CAMK1D: variants seen among roughly 807,000 people sequenced by gnomAD.
CAMK1D encodes the protein calcium/calmodulin dependent protein kinase ID.
In CAMK1D, 9 loss-of-function variants were observed where a neutral mutation model predicts 47.7. The ratio of observed to expected loss-of-function variants is 0.19; its 90% CI spans 0.11 to 0.33. The LOEUF is 0.33. Ranked by LOEUF, CAMK1D falls within the 10% of genes least tolerant of loss-of-function variation. The pLI, the probability that CAMK1D is intolerant of heterozygous loss-of-function variation, is 1.00. For missense variants in CAMK1D, 291 were observed against 488.7 expected, an observed-to-expected ratio of 0.60 and a Z score of 3.81; for synonymous variants, 184 against 184.9, an observed-to-expected ratio of 0.99 and a Z score of 0.04.
intron 5 of CAMK1D, 135 bp from the exon 6 acceptor site, chr10:12,791,023 C>A: frequency 1.4e-6 from 1 of 694,802 alleles, no homozygotes; most frequent in Non-Finnish European, 2.5e-6. Context: ...AAAGCCAACA[C>A]ATAAAATGGG....
chr10:12,737,334 A>G (rs1359996307), intron 3 of CAMK1D, among the ~76,000 whole-genome samples: 1 of 152,126 alleles, frequency 6.6e-6, no homozygotes, highest in African/African-American at 2.4e-5. Flanking sequence ...TCATACCAGA[A>G]GGATCATCCT....
chr10:12,708,960 G>C (rs781494167), intron 3 of CAMK1D, among the ~76,000 whole-genome samples: 1 of 152,224 alleles, frequency 6.6e-6, no homozygotes, highest in Non-Finnish European at 1.5e-5. Context: ...ATCTCTTAAC[G>C]GCATCCCAGT....
At chr10:12,541,613 C>T (rs1244520075) in intron 1 of CAMK1D, among the ~76,000 whole-genome samples, 1 of 152,046 alleles carries the variant, frequency 6.6e-6, no homozygotes, top group African/African-American at 2.4e-5. Flanking sequence ...CCCGCCTTGG[C>T]CCCCCAAAAG....
At chr10:12,367,124 G>A (rs939714384) in intron 1 of CAMK1D, among the ~76,000 whole-genome samples, 1 of 151,974 alleles carries the variant, frequency 6.6e-6, no homozygotes, top group African/African-American at 2.4e-5. Flanking sequence ...GTGAGAAAAA[G>A]GGGATAAAAA....
At chr10:12,365,312 A>G (rs1025699052) in intron 1 of CAMK1D, among the ~76,000 whole-genome samples, 23 of 152,284 alleles carry the variant, frequency 1.5e-4, no homozygotes, top group African/African-American at 4.8e-4. Flanking sequence ...ACACCTGCTT[A>G]CGTTATGGAC....
intron 1 of CAMK1D, among the ~76,000 whole-genome samples, chr10:12,430,735 GTGATGA>G (rs757039237): frequency 2.6e-5 from 4 of 151,560 alleles, no homozygotes; most frequent in African/African-American, 4.9e-5. Flanking sequence ...GTGCATACAT[GTGATGA>G]TGATGATGAT....
chr10:12,631,390 T>G (rs909113145), intron 2 of CAMK1D, among the ~76,000 whole-genome samples: 4 of 152,222 alleles, frequency 2.6e-5, no homozygotes, highest in Non-Finnish European at 4.4e-5. Context: ...ATGCCATTCC[T>G]TATTTGGAGA....
chr10:12,494,767 C>G (rs999645067), intron 1 of CAMK1D, among the ~76,000 whole-genome samples: 3 of 152,074 alleles, frequency 2.0e-5, no homozygotes, highest in African/African-American at 7.2e-5. Flanking sequence ...TGGGGTTTTT[C>G]CATGTTGGCC....
chr10:12,693,989 AC>A (rs1564497691), intron 3 of CAMK1D, among the ~76,000 whole-genome samples: 19 of 72,572 alleles, frequency 2.6e-4, no homozygotes, highest in South Asian at 1.3e-3. Context: ...TATTATATAT[AC>A]ATATAATATA....
At chr10:12,630,773 C>T (rs914112980) in intron 2 of CAMK1D, among the ~76,000 whole-genome samples, 8 of 152,036 alleles carry the variant, frequency 5.3e-5, no homozygotes, top group African/African-American at 1.9e-4. Flanking sequence ...ACCTCACGTC[C>T]TCCGTACCTC....
intron 1 of CAMK1D, among the ~76,000 whole-genome samples, chr10:12,415,391 C>T (rs919267346): frequency 5.3e-5 from 8 of 151,016 alleles, no homozygotes; most frequent in African/African-American, 1.7e-4. Context: ...CAGGTTCAAG[C>T]GATTCTCCTG....
At chr10:12,373,791 C>T (rs770833452) in intron 1 of CAMK1D, among the ~76,000 whole-genome samples, 2 of 151,564 alleles carry the variant, frequency 1.3e-5, no homozygotes, top group Non-Finnish European at 2.9e-5. Flanking sequence ...GCTCAGGGGG[C>T]AGTCCAGATG....
At chr10:12,412,202 A>T (rs765257055) in intron 1 of CAMK1D, among the ~76,000 whole-genome samples, 2 of 152,096 alleles carry the variant, frequency 1.3e-5, no homozygotes. Flanking sequence ...CTGTAGTGTG[A>T]GCTGGTGGCG....
intron 1 of CAMK1D, among the ~76,000 whole-genome samples, chr10:12,532,064 C>A (rs1274545435): frequency 6.6e-6 from 1 of 152,208 alleles, no homozygotes; most frequent in East Asian, 1.9e-4. Flanking sequence ...CCCATCATTT[C>A]CAGTTGACAG....
At chr10:12,412,268 CG>C (rs1291128586) in intron 1 of CAMK1D, among the ~76,000 whole-genome samples, 1 of 151,894 alleles carries the variant, frequency 6.6e-6, no homozygotes, top group Non-Finnish European at 1.5e-5. Context: ...CTCCGCTTCC[CG>C]TAGCCTGGCC....
intron 2 of CAMK1D, among the ~76,000 whole-genome samples, chr10:12,554,962 TG>T (rs1193058090): frequency 6.6e-6 from 1 of 152,208 alleles, no homozygotes; most frequent in Non-Finnish European, 1.5e-5. Context: ...TCCAAAGGTT[TG>T]GGGGAACAAG....
At chr10:12,729,178 G>A (rs941255098) in intron 3 of CAMK1D, among the ~76,000 whole-genome samples, 2 of 152,122 alleles carry the variant, frequency 1.3e-5, no homozygotes, top group African/African-American at 2.4e-5. Context: ...CGTGTTTTTC[G>A]TTCAGCAAAT....
intron 6 of CAMK1D, among the ~76,000 whole-genome samples, chr10:12,813,179 A>G (rs1832672694): frequency 6.6e-6 from 1 of 152,206 alleles, no homozygotes; most frequent in Admixed American, 6.5e-5. Flanking sequence ...CCATGGAAAA[A>G]TGGGTAGTAT....
In CAMK1D at chr10:12,622,507, T is replaced by G. The variant is rs991371004; in HGVS notation, c.225-44229T>G. 2.6e-5 allele frequency among the ~76,000 whole-genome samples: 4 copies of G among 152,078 alleles called. No individual in the cohort carries two copies. The East Asian group carries it at 7.7e-4, about 29-fold the overall frequency. On this transcript the variant is annotated intron_variant, in intron 2 of 10. Transcript: ENST00000619168. The stretch of plus-strand genomic sequence containing the variant: ...CCCATCTCTCCACCTGGCAGCATCA[T>G]GTTACATTTGGGATGTGTGTGTACG...
Sources: gnomAD v4.1 joint callset for allele counts (sites outside exome capture counted in the v4.1 genomes callset) on GRCh38, gnomAD v4.1.1 for gene constraint, MANE v1.5 for transcripts, NCBI Gene and HGNC (gene_info 2026-07-23, HGNC 2026-07-21) for gene names.